EMC7: variants seen among roughly 807,000 people sequenced by gnomAD.
EMC7 encodes endoplasmic reticulum membrane protein complex subunit 7.
In EMC7, 4 loss-of-function variants were observed where a neutral mutation model predicts 24.4. The observed-to-expected ratio is 0.16, with a 90% CI of 0.08 to 0.38. The LOEUF is 0.38. EMC7 is among the 10% of genes least tolerant of loss of function. The pLI, the probability that EMC7 is intolerant of heterozygous loss-of-function variation, is 1.00. For missense variants in EMC7, 221 were observed against 300.6 expected, an observed-to-expected ratio of 0.74 and a Z score of 1.96; for synonymous variants, 106 against 112.0, an observed-to-expected ratio of 0.95 and a Z score of 0.34.
rs1424014704 is a variant in EMC7, at chr15:34,088,519, G to A, written c.496-386C>T. Among the ~76,000 whole-genome samples, 4 of 146,720 alleles carry A rather than the reference G, an allele frequency of 2.7e-5. No homozygotes were observed. In the East Asian group the frequency reaches 5.9e-4, roughly 22 times the overall value. On this transcript the variant is annotated intron_variant, in intron 3 of 4. Transcript: ENST00000256545. ...CTGGCAATGGGATTGGTGATCTGAT[G>A]GCAAGCTAACTGCTCTTTTCAGGTG... is the stretch of plus-strand genomic sequence containing the variant.
rs1901060463 is a variant in EMC7 at position 34,096,046 on chromosome 15, C to T, written c.237-32G>A. On this transcript the variant is annotated intron_variant, in intron 1 of 4. Coordinates refer to ENST00000256545, the MANE Select transcript of EMC7 (RefSeq NM_020154.3). The stretch of plus-strand genomic sequence containing the variant: ...AAATGAAAATCATGTTTAGCTACTA[C>T]TGATCAACAGCTTAGTCTTTTCTTA... 3 of 1,496,282 alleles carry T rather than the reference C, an allele frequency of 2.0e-6. No homozygotes were observed. In the East Asian group the frequency reaches 7.1e-5, roughly 35 times the overall value. The allele number at this position is 1,496,282 out of a possible 1,614,324, so 92.7% of individuals were successfully genotyped here. A position where few individuals can be genotyped will look rare whatever the true frequency, so the allele number is the denominator to read the frequency against.
chr15:34,098,460 T>TC (rs1268603522), intron 1 of EMC7, among the ~76,000 whole-genome samples: 2 of 148,656 alleles, frequency 1.3e-5, no homozygotes, highest in African/African-American at 2.5e-5. Flanking sequence ...TTTCTTTCTT[T>TC]TTTTTTTTTT....
At chr15:34,093,667 T>C (rs1901013654) in intron 2 of EMC7, among the ~76,000 whole-genome samples, 1 of 149,898 alleles carries the variant, frequency 6.7e-6, no homozygotes, top group Non-Finnish European at 1.5e-5. Context: ...TATACTGTGA[T>C]CCACGTACCC....
At chr15:34,086,111 G>A in intron 4 of EMC7, 1 of 363,620 alleles carries the variant, frequency 2.8e-6, no homozygotes, top group Non-Finnish European at 5.2e-6. Flanking sequence ...TGGGTAGTAA[G>A]TACTTTGTTT....
At chr15:34,088,234 G>A (rs1009023606) in intron 3 of EMC7, 101 bp from the exon 4 acceptor site, 8 of 1,014,820 alleles carry the variant, frequency 7.9e-6, no homozygotes, top group African/African-American at 1.6e-5. Context: ...AGATTTAAAC[G>A]TTGTCTATAC....
At chr15:34,088,171 A>T in intron 3 of EMC7, 38 bp from the exon 4 acceptor site, 1 of 1,555,288 alleles carries the variant, frequency 6.4e-7, no homozygotes, top group Non-Finnish European at 8.7e-7. Context: ...TTTTTCCCCC[A>T]CTTTACAGTT....
At chr15:34,094,100 G>A (rs936843355) in intron 2 of EMC7, among the ~76,000 whole-genome samples, 2 of 151,718 alleles carry the variant, frequency 1.3e-5, no homozygotes, top group African/African-American at 4.8e-5. Context: ...TTACTTTCCT[G>A]ATAATATCAA....
intron 2 of EMC7, among the ~76,000 whole-genome samples, chr15:34,091,603 C>T (rs1900974853): frequency 6.6e-6 from 1 of 152,042 alleles, no homozygotes; most frequent in South Asian, 2.1e-4. Context: ...ACTTTTTCCC[C>T]CAAAGGCCAG....
intron 3 of EMC7, among the ~76,000 whole-genome samples, chr15:34,089,148 G>A (rs1374573430): frequency 1.3e-5 from 2 of 152,236 alleles, no homozygotes; most frequent in African/African-American, 2.4e-5. Context: ...GAGCCACCGC[G>A]CCTGGCCTAC....
At chr15:34,093,963 G>T (rs550632092) in intron 2 of EMC7, among the ~76,000 whole-genome samples, 1 of 149,272 alleles carries the variant, frequency 6.7e-6, no homozygotes, top group East Asian at 2.0e-4. Context: ...AGGCTGTAGC[G>T]GGCTATGATT....
intron 1 of EMC7, among the ~76,000 whole-genome samples, chr15:34,097,039 C>CTTCTTTTTTTTTTT (rs1555523492): frequency 8.2e-5 from 8 of 97,622 alleles, no homozygotes; most frequent in Admixed American, 1.4e-4. Flanking sequence ...TGTTCTTCTT[C>CTTCTTTTTTTTTTT]TTTTTTTTTT....
chr15:34,101,785 C>T lies in EMC7; in HGVS notation c.55G>A (p.Gly19Arg). Residue 19 changes from glycine (G) to arginine (R), a missense_variant, in exon 1 of 5, where the codon GGG becomes AGG. This residue lies in a region of EMC7 where 156 missense variants were observed against 177.1 expected (regional missense o/e 0.88). Coordinates refer to ENST00000256545, the MANE Select transcript of EMC7 (RefSeq NM_020154.3). ...GGCACCTCCGAGCTCTGGACATCCC[C>T]CGATAGCAGCAGCAGCAGCAGGACG... ...FPVLLLLLLS[G>R]DVQSSEVPGA... is the part of the protein sequence containing the mutation. The T allele has an allele frequency of 6.2e-7, 1 of 1,613,298 alleles. No homozygotes were observed. Among genetic ancestry groups the T allele is most frequent in the East Asian group, 2.2e-5 (1 of 44,884 alleles).
rs1900836770 is a variant in EMC7 at position 34,084,129 on chromosome 15, T to C, written c.*205A>G. 1 of 526,030 alleles carries C rather than the reference T, an allele frequency of 1.9e-6. No homozygotes were observed. The highest frequency in any genetic ancestry group is 3.3e-6 in the Non-Finnish European group (1 of 305,158). 32.6% of individuals were successfully genotyped at this position (526,030 alleles called of 1,614,324 possible). On this transcript the variant is annotated 3_prime_UTR_variant, in exon 5 of 5. Coordinates refer to ENST00000256545, the MANE Select transcript of EMC7 (RefSeq NM_020154.3). Reference sequence around the variant, plus strand: ...TGTAATTAATTCAGTGACATCAATATTGACCTCATACAGACAAAAGATGAA... The same window carrying C: ...TGTAATTAATTCAGTGACATCAATACTGACCTCATACAGACAAAAGATGAA...
intron 1 of EMC7, among the ~76,000 whole-genome samples, chr15:34,096,446 C>A (rs1377142364): frequency 6.6e-6 from 1 of 152,130 alleles, no homozygotes; most frequent in African/African-American, 2.4e-5. Flanking sequence ...GCTGGGATTA[C>A]AGGCATGAGC....
chr15:34,097,748 T>C (rs1221854606), intron 1 of EMC7, among the ~76,000 whole-genome samples: 1 of 152,050 alleles, frequency 6.6e-6, no homozygotes, highest in East Asian at 1.9e-4. Flanking sequence ...CCACAACAGT[T>C]ACTAAAAAGC....
chr15:34,094,659 G>C (rs117817758), intron 2 of EMC7, among the ~76,000 whole-genome samples: 5 of 151,508 alleles, frequency 3.3e-5, no homozygotes, highest in Non-Finnish European at 7.4e-5. Context: ...CCAAGATTGC[G>C]CCACTGCACT....
intron 2 of EMC7, 76 bp downstream of exon 2, chr15:34,095,819 A>G: frequency 3.0e-6 from 4 of 1,322,738 alleles, no homozygotes; most frequent in Middle Eastern, 2.0e-4. Context: ...CATCTAAACT[A>G]TTAATTCTAA....
At chr15:34,097,039 C>CTTTTTTTTTTTTTTTTTTTTTTTTT (rs553769836) in intron 1 of EMC7, among the ~76,000 whole-genome samples, 5 of 97,622 alleles carry the variant, frequency 5.1e-5, no homozygotes, top group African/African-American at 1.2e-4. Flanking sequence ...TGTTCTTCTT[C>CTTTTTTTTTTTTTTTTTTTTTTTTT]TTTTTTTTTT....
intron 2 of EMC7, among the ~76,000 whole-genome samples, chr15:34,094,579 G>GT (rs1259395045): frequency 6.6e-6 from 1 of 151,956 alleles, no homozygotes; most frequent in Non-Finnish European, 1.5e-5. Context: ...GCGTGCAGCT[G>GT]TAATCCCAAC....
Sources: gnomAD v4.1 joint callset for allele counts (sites outside exome capture counted in the v4.1 genomes callset) on GRCh38, gnomAD v4.1.1 for gene constraint, gnomAD v4.1.1 regional missense constraint, MANE v1.5 for transcripts, NCBI Gene and HGNC (gene_info 2026-07-23, HGNC 2026-07-21) for gene names.